ASCC3: variants seen among roughly 807,000 people sequenced by gnomAD.
ASCC3 encodes activating signal cointegrator 1 complex subunit 3.
In ASCC3, 158 loss-of-function variants were observed where a neutral mutation model predicts 256.3. The ratio of observed to expected loss-of-function variants is 0.62; its 90% confidence interval spans 0.54 to 0.70. The LOEUF (loss-of-function observed/expected upper bound fraction) is 0.70. ASCC3 is among the 30% of genes least tolerant of loss of function. The pLI is 0.00. For synonymous variants in ASCC3, 948 were observed against 883.4 expected (o/e 1.07, Z -1.30); for missense variants, 2,259 against 2,626.0 (o/e 0.86, Z 3.05).
At chr6:100,608,127 CAT>C (rs1228198727) in intron 30 of ASCC3, among the ~76,000 whole-genome samples, 2 of 113,146 alleles carry the variant, frequency 1.8e-5, no homozygotes, top group Admixed American at 9.8e-5. Flanking sequence ...TCTATATATA[CAT>C]ATATATGTAT....
At position 100,646,754 on chromosome 6, in the gene ASCC3, T is replaced by C; in HGVS notation, c.3494A>G (p.His1165Arg). 1 of 1,613,910 alleles carries C rather than the reference T, an allele frequency of 6.2e-7. No homozygotes were observed. The highest frequency in any genetic ancestry group is 8.5e-7 in the Non-Finnish European group (1 of 1,179,894). ...TTTGACCTTCAGTCCAATATTCACA[T>C]GATGTAAAATGTGACCTGCAAGAAA... ...RKDEIGHILHHVNIGLKVKQC... is the reference protein window; with the variant it reads ...RKDEIGHILHRVNIGLKVKQC... The change falls in exon 22 of 42, where the codon CAT becomes CGT. Residue 1165 changes from histidine to arginine, a missense_variant. By Grantham distance (29) the His-to-Arg change is conservative. Transcript: ENST00000369162.
chr6:100,649,940 C>A (rs1301631755), intron 20 of ASCC3, among the ~76,000 whole-genome samples: 1 of 151,344 alleles, frequency 6.6e-6, no homozygotes, highest in Non-Finnish European at 1.5e-5. Context: ...ACAGTTTATA[C>A]CATGGTATTT....
In ASCC3 at chr6:100,509,488, C is replaced by T. The variant is rs1773648408; in HGVS notation, c.6507G>A (p.Leu2169=). The part of the protein sequence containing the change: ...LYFMSDCYLG[L]DQQYDIYLNV... ...TGAGATAGATGTCATACTGCTGGTC[C>T]AGGCCAAGGTAGCAGTCACTCATGA... Residue 2169 remains leucine, a synonymous_variant, in exon 42 of 42, where the codon CTG becomes CTA. Transcript: ENST00000369162. 3 of 1,613,792 alleles carry T rather than the reference C, an allele frequency of 1.9e-6. No individual in the cohort carries two copies. The highest frequency in any genetic ancestry group is 3.3e-5 in the Admixed American group (2 of 60,004).
intron 37 of ASCC3, among the ~76,000 whole-genome samples, chr6:100,534,471 A>C (rs1207212331): frequency 1.3e-5 from 2 of 152,240 alleles, no homozygotes; most frequent in Non-Finnish European, 2.9e-5. Flanking sequence ...AAAGGCTGTC[A>C]TATCACTTAC....
At chr6:100,694,658 C>G (rs555794237) in intron 13 of ASCC3, among the ~76,000 whole-genome samples, 1 of 152,220 alleles carries the variant, frequency 6.6e-6, no homozygotes, top group East Asian at 1.9e-4. Context: ...AAACCAGAAG[C>G]TAGCTTGAAG....
chr6:100,718,078 AT>A lies in ASCC3; in HGVS notation c.2075del (p.Asn692IlefsTer6). The A allele has an allele frequency of 6.2e-7, 1 of 1,613,002 alleles. No homozygotes were observed. The highest frequency in any genetic ancestry group is 8.5e-7 in the Non-Finnish European group (1 of 1,179,340). ...AAGAATTAAAATGAGTATTTACCTT[AT>A]TTGCACATTTAATCCCCAAAAATGT... is the stretch of plus-strand genomic sequence containing the variant. ...GQTFLGIKCA[N>X]KMQQLNNMDE... On this transcript the variant is annotated frameshift_variant, in exon 12 of 42. Coordinates refer to ENST00000369162, the MANE Select transcript of ASCC3 (RefSeq NM_006828.4). LOFTEE classifies it high-confidence loss of function.
intron 17 of ASCC3, among the ~76,000 whole-genome samples, chr6:100,653,632 G>C (rs986344336): frequency 6.6e-6 from 1 of 150,896 alleles, no homozygotes; most frequent in Non-Finnish European, 1.5e-5. Flanking sequence ...AGCGAGGCTG[G>C]AGTGCAGTGG....
intron 36 of ASCC3, among the ~76,000 whole-genome samples, chr6:100,553,546 GCTGGACAGACTACTAA>G (rs2114689321): frequency 6.6e-6 from 1 of 152,062 alleles, no homozygotes; most frequent in South Asian, 2.1e-4. Context: ...TTTAGTGTAG[GCTGGACAGACTACTAA>G]CTGCAAATCT....
intron 13 of ASCC3, among the ~76,000 whole-genome samples, chr6:100,693,009 ATTTTAAC>A (rs143003737): frequency 0.015 from 2,331 of 152,166 alleles, 22 homozygotes; most frequent in East Asian, 0.045. Context: ...AATATTATCC[ATTTTAAC>A]TTTTAAGTAA....
chr6:100,528,638 T>C (rs1441704169), intron 37 of ASCC3, among the ~76,000 whole-genome samples: 1 of 151,612 alleles, frequency 6.6e-6, no homozygotes, highest in African/African-American at 2.4e-5. Flanking sequence ...TTGCTTTCAC[T>C]AAAAGAAAAA....
chr6:100,547,169 A>G (rs551053271), intron 36 of ASCC3, among the ~76,000 whole-genome samples: 7 of 152,234 alleles, frequency 4.6e-5, no homozygotes, highest in Admixed American at 1.3e-4. Context: ...CTGGGTATCC[A>G]TATGGCAAAA....
chr6:100,665,834 AAGC>A (rs1263959330), intron 14 of ASCC3, among the ~76,000 whole-genome samples: 1 of 152,158 alleles, frequency 6.6e-6, no homozygotes, highest in Admixed American at 6.5e-5. Flanking sequence ...AATCATCATA[AAGC>A]AAAACTATTT....
intron 38 of ASCC3, 136 bp from the exon 39 acceptor site, chr6:100,516,463 TA>T: frequency 9.0e-7 from 1 of 1,114,254 alleles, no homozygotes; most frequent in South Asian, 1.5e-5. Context: ...ATGCTAAGTT[TA>T]AAAATTCAGC....
intron 8 of ASCC3, among the ~76,000 whole-genome samples, chr6:100,777,715 T>C (rs545315239): frequency 3.3e-5 from 5 of 152,078 alleles, no homozygotes; most frequent in African/African-American, 1.2e-4. Flanking sequence ...GACCACTAAA[T>C]CAGGACTAAG....
At chr6:100,615,311 C>G (rs909008364) in intron 30 of ASCC3, among the ~76,000 whole-genome samples, 3 of 151,964 alleles carry the variant, frequency 2.0e-5, no homozygotes. Flanking sequence ...GCACTTTTGT[C>G]CCCATCAAAT....
chr6:100,547,356 G>A (rs972504948), intron 36 of ASCC3, among the ~76,000 whole-genome samples: 2 of 151,100 alleles, frequency 1.3e-5, no homozygotes, highest in Non-Finnish European at 3.0e-5. Context: ...ACCCATACAA[G>A]AAAAAAAATG....
At chr6:100,521,748 T>C (rs1168130481) in intron 37 of ASCC3, among the ~76,000 whole-genome samples, 1 of 152,190 alleles carries the variant, frequency 6.6e-6, no homozygotes, top group Non-Finnish European at 1.5e-5. Flanking sequence ...CAAGTGACTG[T>C]TCAGAGATCC....
chr6:100,761,695 G>C (rs1472936857), intron 10 of ASCC3, among the ~76,000 whole-genome samples: 1 of 152,108 alleles, frequency 6.6e-6, no homozygotes, highest in Non-Finnish European at 1.5e-5. Context: ...CACAAAAAGA[G>C]GAGAGAAAAC....
intron 13 of ASCC3, among the ~76,000 whole-genome samples, chr6:100,703,725 G>C (rs903225216): frequency 1.3e-5 from 2 of 151,578 alleles, no homozygotes; most frequent in African/African-American, 2.4e-5. Context: ...CAACTATCTG[G>C]CATTTGGCCC....
Sources: allele counts gnomAD v4.1 joint callset (sites outside exome capture counted in the v4.1 genomes callset), GRCh38; gene constraint gnomAD v4.1.1; transcripts MANE v1.5; gene names NCBI Gene and HGNC (gene_info 2026-07-23, HGNC 2026-07-21).